The following DSCAM variants were observed in gnomAD, a reference collection of about 807,000 sequenced individuals.
The protein encoded by DSCAM is DS cell adhesion molecule.
DSCAM carries 47 observed loss-of-function variants against 217.7 expected under a neutral mutation model. That is an observed-to-expected ratio of 0.22 (90% CI 0.17 to 0.28). The LOEUF is 0.28. DSCAM is among the 10% of genes least tolerant of loss of function. The pLI is 1.00. For missense variants in DSCAM, 2,080 were observed against 2,618.3 expected, an observed-to-expected ratio of 0.79 and a Z score of 4.49; for synonymous variants, 1,056 against 1,015.3, an observed-to-expected ratio of 1.04 and a Z score of -0.76.
chr21:40,562,447 C>T (rs551069824), intron 3 of DSCAM, among the ~76,000 whole-genome samples: 1 of 152,274 alleles, frequency 6.6e-6, no homozygotes, highest in Non-Finnish European at 1.5e-5. Flanking sequence ...TACCCAGTCT[C>T]AGGCCGTTCT....
intron 3 of DSCAM, among the ~76,000 whole-genome samples, chr21:40,532,260 T>G (rs529950596): frequency 3.4e-5 from 5 of 146,788 alleles, no homozygotes; most frequent in African/African-American, 1.0e-4. Flanking sequence ...GAATCTGAAA[T>G]ACTAATAAAT....
At chr21:40,818,065 C>T (rs1304728228) in intron 1 of DSCAM, among the ~76,000 whole-genome samples, 10 of 126,934 alleles carry the variant, frequency 7.9e-5, no homozygotes, top group Non-Finnish European at 1.3e-4. Context: ...CACTGCAGTC[C>T]GCAGTCCGGC....
intron 11 of DSCAM, among the ~76,000 whole-genome samples, chr21:40,200,588 T>C (rs975594454): frequency 6.6e-6 from 1 of 152,262 alleles, no homozygotes; most frequent in African/African-American, 2.4e-5. Context: ...CTTTTGGCTA[T>C]TGTGAACACT....
chr21:40,609,661 G>C (rs2089287626), intron 3 of DSCAM, among the ~76,000 whole-genome samples: 1 of 152,220 alleles, frequency 6.6e-6, no homozygotes, highest in Admixed American at 6.5e-5. Flanking sequence ...AGATGACTCA[G>C]GAAGGGGAGA....
At chr21:40,142,471 G>T in intron 18 of DSCAM, 87 bp downstream of exon 18, 1 of 1,467,312 alleles carries the variant, frequency 6.8e-7, no homozygotes, top group Non-Finnish European at 9.4e-7. Flanking sequence ...CATATCCTGA[G>T]CCCCTTGTTA....
intron 3 of DSCAM, among the ~76,000 whole-genome samples, chr21:40,597,292 C>T (rs2146254749): frequency 6.6e-6 from 1 of 152,214 alleles, no homozygotes; most frequent in South Asian, 2.1e-4. Context: ...TCTACTTTTC[C>T]TACATGACCT....
intron 3 of DSCAM, among the ~76,000 whole-genome samples, chr21:40,558,175 A>G (rs953162972): frequency 4.6e-5 from 7 of 152,214 alleles, no homozygotes; most frequent in Non-Finnish European, 8.8e-5. Context: ...TCATTTGATT[A>G]TCTCTTTATC....
intron 3 of DSCAM, among the ~76,000 whole-genome samples, chr21:40,418,022 A>G (rs138314508): frequency 6.6e-6 from 1 of 152,286 alleles, no homozygotes; most frequent in African/African-American, 2.4e-5. Flanking sequence ...TTCTATGCAA[A>G]AGTTCCTCAA....
chr21:40,241,904 C>T (rs1267267267), intron 11 of DSCAM, among the ~76,000 whole-genome samples: 1 of 152,174 alleles, frequency 6.6e-6, no homozygotes, highest in East Asian at 1.9e-4. Context: ...GAACAGAAAA[C>T]CACATGCCAC....
At position 40,347,856 on chromosome 21, in the gene DSCAM, C is replaced by A; in HGVS notation, c.1024G>T (p.Asp342Tyr). Reference protein sequence around the residue: ...SLSCSVTGTEDQELSWYRNGE... With the variant: ...SLSCSVTGTEYQELSWYRNGE... ...TTGCGGTACCAGGAGAGTTCCTGGT[C>A]CTCAGTTCCTGTCACGCTGCAGGAC... The change falls in exon 6 of 33, where the codon GAC becomes TAC. Residue 342 changes from aspartate to tyrosine, a missense_variant. Coordinates refer to ENST00000400454, the MANE Select transcript of DSCAM (RefSeq NM_001389.5). The A allele has an allele frequency of 6.2e-7, 1 of 1,614,096 alleles. No individual in the cohort carries two copies. Among genetic ancestry groups the A allele is most frequent in the Non-Finnish European group, 8.5e-7 (1 of 1,179,992 alleles).
intron 20 of DSCAM, among the ~76,000 whole-genome samples, chr21:40,123,495 T>C (rs545093743): frequency 6.6e-6 from 1 of 152,306 alleles, no homozygotes; most frequent in East Asian, 1.9e-4. Context: ...AATGTTTTCT[T>C]TTCTTTAAAA....
chr21:40,776,177 C>A (rs1242875694), intron 1 of DSCAM, among the ~76,000 whole-genome samples: 1 of 151,676 alleles, frequency 6.6e-6, no homozygotes, highest in Non-Finnish European at 1.5e-5. Flanking sequence ...CCAATAAATC[C>A]CCCTTTAAAA....
chr21:40,316,501 T>G (rs909920527), intron 8 of DSCAM, among the ~76,000 whole-genome samples: 2 of 152,230 alleles, frequency 1.3e-5, no homozygotes, highest in African/African-American at 4.8e-5. Context: ...ACTCTTCTCA[T>G]GATTTTGGGA....
intron 16 of DSCAM, among the ~76,000 whole-genome samples, chr21:40,163,730 C>T (rs1326393887): frequency 6.6e-6 from 1 of 151,996 alleles, no homozygotes; most frequent in East Asian, 1.9e-4. Flanking sequence ...TGAAAATTAC[C>T]ATAGTAGAAA....
chr21:40,327,772 C>T (rs2074333669), intron 8 of DSCAM, among the ~76,000 whole-genome samples: 1 of 151,970 alleles, frequency 6.6e-6, no homozygotes, highest in Non-Finnish European at 1.5e-5. Context: ...TAAATTTTGT[C>T]AAGTATTTTT....
At chr21:40,085,493 G>C in intron 23 of DSCAM, 109 bp downstream of exon 23, 1 of 989,942 alleles carries the variant, frequency 1.0e-6, no homozygotes. Context: ...TATGGAAACA[G>C]AAGTTAGCTC....
At chr21:40,730,877 T>C (rs922912965) in intron 1 of DSCAM, among the ~76,000 whole-genome samples, 5 of 152,062 alleles carry the variant, frequency 3.3e-5, no homozygotes, top group Non-Finnish European at 7.3e-5. Context: ...TTACAAAATA[T>C]TATGGAATGA....
intron 11 of DSCAM, among the ~76,000 whole-genome samples, chr21:40,213,741 A>T (rs1455521266): frequency 1.3e-5 from 2 of 152,110 alleles, no homozygotes; most frequent in Admixed American, 6.5e-5. Context: ...AAATAAGTGG[A>T]GTCAAGGAGG....
At chr21:40,426,361 T>C (rs888437188) in intron 3 of DSCAM, among the ~76,000 whole-genome samples, 3 of 152,226 alleles carry the variant, frequency 2.0e-5, no homozygotes, top group Non-Finnish European at 4.4e-5. Context: ...TGTCCTTTCA[T>C]TGGCCATTCA....
Sources: allele counts gnomAD v4.1 joint callset (sites outside exome capture counted in the v4.1 genomes callset), GRCh38; gene constraint gnomAD v4.1.1; transcripts MANE v1.5; gene names NCBI Gene and HGNC (gene_info 2026-07-23, HGNC 2026-07-21).